The following GLIS3 variants were observed in gnomAD, a reference collection of about 807,000 sequenced individuals.
GLIS3 encodes the protein GLIS family zinc finger 3, also known as zinc finger protein GLIS3.
A neutral mutation model predicts 78.6 loss-of-function variants in GLIS3; 53 were observed. That is an observed-to-expected ratio of 0.67 (90% CI 0.54 to 0.85). The LOEUF is 0.85. GLIS3 is among the 40% of genes least tolerant of loss of function. GLIS3 has a pLI of 0.00. For missense variants in GLIS3, 1,703 were observed against 1,231.1 expected (o/e 1.38, Z -5.74); for synonymous variants, 684 against 509.9 (o/e 1.34, Z -4.60).
chr9:4,324,444 G>C (rs1445762740), intron 2 of GLIS3, among the ~76,000 whole-genome samples: 2 of 152,188 alleles, frequency 1.3e-5, no homozygotes, highest in African/African-American at 4.8e-5. Flanking sequence ...TCACGGGATT[G>C]TTTTGAGAAC....
At chr9:3,868,729 C>G (rs1268301086) in intron 8 of GLIS3, among the ~76,000 whole-genome samples, 3 of 152,158 alleles carry the variant, frequency 2.0e-5, no homozygotes, top group Admixed American at 2.0e-4. Flanking sequence ...AAGTTAAAGC[C>G]CAAACCCCTA....
At chr9:3,969,383 A>G (rs1289242133) in intron 4 of GLIS3, among the ~76,000 whole-genome samples, 2 of 152,220 alleles carry the variant, frequency 1.3e-5, no homozygotes, top group Non-Finnish European at 2.9e-5. Flanking sequence ...CACAGGAAAT[A>G]TCTCCAAAGA....
the GLIS3 span, among the ~76,000 whole-genome samples, chr9:4,355,947 A>T: frequency 6.6e-6 from 1 of 152,240 alleles, no homozygotes; most frequent in Non-Finnish European, 1.5e-5. Context: ...ATAGACATAC[A>T]TATTTATCAA....
At chr9:3,844,795 G>C (rs961274099) in intron 9 of GLIS3, among the ~76,000 whole-genome samples, 1 of 152,100 alleles carries the variant, frequency 6.6e-6, no homozygotes, top group Admixed American at 6.6e-5. Context: ...GTCTTTAAGT[G>C]TTCAATGAAA....
At chr9:4,130,861 C>G (rs889855048) in intron 2 of GLIS3, among the ~76,000 whole-genome samples, 1 of 152,176 alleles carries the variant, frequency 6.6e-6, no homozygotes, top group African/African-American at 2.4e-5. Context: ...GGTGCACTGT[C>G]AGCTTGCACC....
chr9:3,999,205 A>G (rs1820958596), intron 4 of GLIS3, among the ~76,000 whole-genome samples: 1 of 152,180 alleles, frequency 6.6e-6, no homozygotes, highest in Non-Finnish European at 1.5e-5. Flanking sequence ...TGAGTTTTCA[A>G]TATGTTGCTG....
intron 5 of GLIS3, among the ~76,000 whole-genome samples, chr9:3,934,675 C>T (rs2130787047): frequency 6.6e-6 from 1 of 152,292 alleles, no homozygotes; most frequent in East Asian, 1.9e-4. Flanking sequence ...TCCCAAAGTG[C>T]TGGGATTATA....
chr9:4,447,318 A>G, the GLIS3 span, among the ~76,000 whole-genome samples: 1 of 151,946 alleles, frequency 6.6e-6, no homozygotes, highest in African/African-American at 2.4e-5. Context: ...AAGTGCTAGG[A>G]TTGATCCATT....
rs947249915 is a variant in GLIS3, at chr9:4,324,708, C to T, written n.265-14180G>A. On this transcript the variant is annotated intron_variant and non_coding_transcript_variant, in intron 2 of 4. Coordinates refer to the GLIS3 transcript ENST00000471664. ...AGAAAAATGCAAGGAAGCGGGAAGC[C>T]TGCCAATGACTCAGCAAGCACCATT... 2.6e-5 allele frequency among the ~76,000 whole-genome samples: 4 copies of T among 152,330 alleles called. No individual in the cohort carries two copies. The Middle Eastern group carries it at 0.01, about 389-fold the overall frequency.
chr9:4,353,377 T>G (rs1817999016), upstream of GLIS3, among the ~76,000 whole-genome samples: 1 of 152,186 alleles, frequency 6.6e-6, no homozygotes, highest in Non-Finnish European at 1.5e-5. Context: ...GGCAGCTTTC[T>G]TTAAACTATG....
At chr9:4,045,614 G>C (rs1015458852) in intron 4 of GLIS3, among the ~76,000 whole-genome samples, 4 of 152,068 alleles carry the variant, frequency 2.6e-5, no homozygotes, top group African/African-American at 7.2e-5. Flanking sequence ...TGACATTACA[G>C]ATGTGAGCCA....
At chr9:4,207,895 GCTTT>G (rs1353399229) in intron 2 of GLIS3, among the ~76,000 whole-genome samples, 2 of 152,084 alleles carry the variant, frequency 1.3e-5, no homozygotes, top group Non-Finnish European at 2.9e-5. Flanking sequence ...TTCTAACTTC[GCTTT>G]CTTTATCTGG....
intron 4 of GLIS3, among the ~76,000 whole-genome samples, chr9:4,013,569 C>T (rs1822207676): frequency 6.6e-6 from 1 of 152,180 alleles, no homozygotes; most frequent in Non-Finnish European, 1.5e-5. Flanking sequence ...TAGCACAGAG[C>T]AGGACTTCAC....
intron 2 of GLIS3, among the ~76,000 whole-genome samples, chr9:4,219,749 G>A (rs949980010): frequency 2.0e-5 from 3 of 152,216 alleles, no homozygotes; most frequent in African/African-American, 7.2e-5. Flanking sequence ...GGGAGGAAGT[G>A]GGGGCTTTGG....
In GLIS3 at chr9:4,244,115, T is replaced by A. The variant is rs575434019; in HGVS notation, c.388+41923A>T. 9.8e-5 allele frequency among the ~76,000 whole-genome samples: 15 copies of A among 152,358 alleles called. No individual in the cohort carries two copies. In the East Asian group the frequency reaches 2.9e-3, roughly 29 times the overall value. On this transcript the variant is annotated intron_variant, in intron 2 of 10. Coordinates refer to ENST00000381971, the MANE Select transcript of GLIS3 (RefSeq NM_001042413.2). Reference sequence around the variant, plus strand: ...CCTAACTAACATTCCAAGCCTTCCATAAATCCTTCAGGGCCACCTCAGCTC... The same window carrying A: ...CCTAACTAACATTCCAAGCCTTCCAAAAATCCTTCAGGGCCACCTCAGCTC...
chr9:3,859,917 A>G (rs184647554), intron 8 of GLIS3, among the ~76,000 whole-genome samples: 5 of 152,342 alleles, frequency 3.3e-5, no homozygotes, highest in Admixed American at 2.0e-4. Flanking sequence ...TAACCCTACC[A>G]TGAGCAATGG....
intron 6 of GLIS3, among the ~76,000 whole-genome samples, chr9:3,907,238 C>G (rs1446226065): frequency 6.6e-6 from 1 of 152,084 alleles, no homozygotes; most frequent in Non-Finnish European, 1.5e-5. Context: ...GGCTGACTGC[C>G]TCTTAATCTT....
chr9:4,395,645 T>G, the GLIS3 span, among the ~76,000 whole-genome samples: 12 of 152,362 alleles, frequency 7.9e-5, no homozygotes, highest in African/African-American at 2.6e-4. Flanking sequence ...CTCCAGCCTT[T>G]GCCAAGTGCT....
intron 9 of GLIS3, among the ~76,000 whole-genome samples, chr9:3,854,240 TGCCTTGTCTTGTGCACA>T (rs1381872822): frequency 6.6e-6 from 1 of 152,242 alleles, no homozygotes; most frequent in Non-Finnish European, 1.5e-5. Flanking sequence ...CATGCCTTGA[TGCCTTGTCTTGTGCACA>T]GTAGGTACTC....
Sources: gnomAD v4.1 joint callset for allele counts (sites outside exome capture counted in the v4.1 genomes callset) on GRCh38, gnomAD v4.1.1 for gene constraint, MANE v1.5 for transcripts, NCBI Gene and HGNC (gene_info 2026-07-23, HGNC 2026-07-21) for gene names.